Variants in CLDN10 observed in about 807,000 individuals in gnomAD.
The protein encoded by CLDN10 is claudin-10.
CLDN10 carries 15 observed loss-of-function variants against 22.9 expected under a neutral mutation model. The ratio of observed to expected loss-of-function variants is 0.65; its 90% CI spans 0.44 to 1.01. The LOEUF is 1.01. Ranked by LOEUF, CLDN10 falls within the 50% of genes least tolerant of loss-of-function variation. CLDN10 has a pLI of 0.00. For missense variants in CLDN10, 247 were observed against 287.8 expected (o/e 0.86, Z 1.03); for synonymous variants, 114 against 111.4 (o/e 1.02, Z -0.15).
intron 3 of CLDN10, among the ~76,000 whole-genome samples, chr13:95,574,642 C>T (rs1007313075): frequency 1.6e-4 from 24 of 152,128 alleles, no homozygotes; most frequent in African/African-American, 5.5e-4. Context: ...TGGTGGCACA[C>T]ACCTGTAATC....
intron 1 of CLDN10, among the ~76,000 whole-genome samples, chr13:95,499,641 G>A (rs2042964380): frequency 6.6e-6 from 1 of 152,216 alleles, no homozygotes; most frequent in Admixed American, 6.5e-5. Flanking sequence ...ATCCAGACCT[G>A]ACCAGCCCTG....
intron 1 of CLDN10, among the ~76,000 whole-genome samples, chr13:95,524,773 C>T (rs2043261800): frequency 6.6e-6 from 1 of 152,164 alleles, no homozygotes; most frequent in Non-Finnish European, 1.5e-5. Context: ...TACATTTTCA[C>T]CAGCAATGTA....
At position 95,560,141 on chromosome 13, in the gene CLDN10, A is replaced by G; in HGVS notation, c.230A>G (p.Gln77Arg). ...CCTACTCTAATTGCAGGTTATATAC[A>G]GGCATGTAGAGGACTTATGATCGCT... is the stretch of plus-strand genomic sequence containing the variant. ...PSMLALDGYI[Q>R]ACRGLMIAAV... is the part of the protein sequence containing the mutation. Residue 77 changes from glutamine to arginine, a missense_variant, in exon 2 of 5, where the codon CAG (glutamine) becomes CGG (arginine). By Grantham distance (43) the Gln-to-Arg change is conservative. Coordinates refer to ENST00000299339, the MANE Select transcript of CLDN10 (RefSeq NM_006984.5). The G allele has an allele frequency of 6.2e-7, 1 of 1,612,608 alleles. No individual in the cohort carries two copies. Among genetic ancestry groups the G allele is most frequent in the Non-Finnish European group, 8.5e-7 (1 of 1,179,086 alleles).
intron 1 of CLDN10, among the ~76,000 whole-genome samples, chr13:95,468,204 C>G (rs957745928): frequency 6.7e-6 from 1 of 148,472 alleles, no homozygotes; most frequent in African/African-American, 2.5e-5. Context: ...TGATTAGATT[C>G]TGGATTCTTC....
intron 1 of CLDN10, among the ~76,000 whole-genome samples, chr13:95,525,522 T>C (rs2043271395): frequency 6.6e-6 from 1 of 152,078 alleles, no homozygotes; most frequent in African/African-American, 2.4e-5. Flanking sequence ...AGACAGAGTC[T>C]TGCTCTATCG....
intron 3 of CLDN10, among the ~76,000 whole-genome samples, chr13:95,569,745 T>C (rs1319865247): frequency 6.6e-6 from 1 of 152,146 alleles, no homozygotes; most frequent in Non-Finnish European, 1.5e-5. Flanking sequence ...CTCAGGTAGG[T>C]TACTTGAAGA....
At chr13:95,512,197 C>T (rs1055515694) in intron 1 of CLDN10, among the ~76,000 whole-genome samples, 20 of 110,114 alleles carry the variant, frequency 1.8e-4, no homozygotes, top group African/African-American at 5.6e-4. Flanking sequence ...ATGTGTTTGA[C>T]CAACAAGGCT....
chr13:95,553,849 C>G (rs2043600998), intron 1 of CLDN10, among the ~76,000 whole-genome samples: 1 of 152,230 alleles, frequency 6.6e-6, no homozygotes, highest in South Asian at 2.1e-4. Context: ...AAGACAACAG[C>G]CGATGTCAGC....
intron 1 of CLDN10, among the ~76,000 whole-genome samples, chr13:95,491,717 T>G (rs1195587534): frequency 6.6e-6 from 1 of 152,068 alleles, no homozygotes; most frequent in Admixed American, 6.6e-5. Flanking sequence ...ACTAGTGTGA[T>G]TTTTTGGGGA....
At chr13:95,502,286 C>T (rs149223216) in intron 1 of CLDN10, among the ~76,000 whole-genome samples, 20 of 152,230 alleles carry the variant, frequency 1.3e-4, no homozygotes, top group African/African-American at 3.1e-4. Context: ...AGTAACACTT[C>T]GAATCTTAAT....
chr13:95,496,114 C>T (rs903102017), intron 1 of CLDN10, among the ~76,000 whole-genome samples: 1 of 152,198 alleles, frequency 6.6e-6, no homozygotes, highest in Admixed American at 6.5e-5. Flanking sequence ...TTTGCCCTTT[C>T]TCAGGCTGTG....
intron 1 of CLDN10, among the ~76,000 whole-genome samples, chr13:95,442,389 C>T (rs181579671): frequency 1.3e-5 from 2 of 152,264 alleles, no homozygotes; most frequent in East Asian, 1.9e-4. Flanking sequence ...TGCTCCTTTG[C>T]TGCGTGTCTT....
intron 1 of CLDN10, among the ~76,000 whole-genome samples, chr13:95,446,891 A>G (rs2139072677): frequency 6.6e-6 from 1 of 152,194 alleles, no homozygotes; most frequent in South Asian, 2.1e-4. Flanking sequence ...ATAGCTCTCC[A>G]TCTCTAATTG....
At chr13:95,435,021 C>G (rs1354441500) in intron 1 of CLDN10, among the ~76,000 whole-genome samples, 1 of 152,120 alleles carries the variant, frequency 6.6e-6, no homozygotes, top group African/African-American at 2.4e-5. Flanking sequence ...TTTTATTTAT[C>G]TAAGAATACA....
At chr13:95,541,910 T>C (rs1431001516) in intron 1 of CLDN10, among the ~76,000 whole-genome samples, 6 of 152,368 alleles carry the variant, frequency 3.9e-5, no homozygotes, top group African/African-American at 1.4e-4. Flanking sequence ...CTCACATAGC[T>C]ATAAATATCT....
intron 1 of CLDN10, among the ~76,000 whole-genome samples, chr13:95,451,713 C>T (rs1343495417): frequency 4.6e-5 from 7 of 152,232 alleles, no homozygotes; most frequent in African/African-American, 1.7e-4. Flanking sequence ...CAACTTCTTT[C>T]TATCCCTTGC....
intron 1 of CLDN10, among the ~76,000 whole-genome samples, chr13:95,516,639 A>G (rs1484547584): frequency 6.6e-6 from 1 of 152,224 alleles, no homozygotes; most frequent in East Asian, 1.9e-4. Flanking sequence ...TATTAGGCAA[A>G]CAAAGATTAT....
Position 95,552,896 on chromosome 13 carries a change from A to G in CLDN10, c.143A>G (p.Asn48Ser), listed in dbSNP as rs1177632600. The G allele has an allele frequency of 1.9e-6, 3 of 1,614,110 alleles. No homozygotes were observed. Among genetic ancestry groups the G allele is most frequent in the East Asian group, 2.2e-5 (1 of 44,868 alleles). ...TVITTATYWA[N>S]LWKACVTDST... ...ATCACAACCGCCACCTATTGGGCCA[A>G]CCTGTGGAAGGCGTGCGTTACCGAC... The change falls in exon 1 of 5, where the codon AAC becomes AGC. Residue 48 changes from asparagine to serine, a missense_variant. By Grantham distance (46) the Asn-to-Ser change is conservative. Coordinates refer to ENST00000299339, the MANE Select transcript of CLDN10 (RefSeq NM_006984.5).
chr13:95,561,732 C>T (rs1183937888), intron 3 of CLDN10, among the ~76,000 whole-genome samples: 2 of 149,622 alleles, frequency 1.3e-5, no homozygotes, highest in Non-Finnish European at 3.0e-5. Flanking sequence ...CAATATGCTA[C>T]ATGTACTGTT....
Sources: gnomAD v4.1 joint callset for allele counts (sites outside exome capture counted in the v4.1 genomes callset) on GRCh38, gnomAD v4.1.1 for gene constraint, MANE v1.5 for transcripts, NCBI Gene and HGNC (gene_info 2026-07-23, HGNC 2026-07-21) for gene names.